Variants in IER3IP1 observed in about 807,000 individuals in gnomAD.
IER3IP1 encodes the protein immediate early response 3 interacting protein 1, also known as immediate early response 3-interacting protein 1.
In IER3IP1, 16 loss-of-function variants were observed where a neutral mutation model predicts 12.2. The ratio of observed to expected loss-of-function variants is 1.31; its 90% CI spans 0.89 to 1.99. IER3IP1 has a LOEUF of 1.99. Among genes scored for constraint, IER3IP1 ranks in the 30% most tolerant of loss-of-function variants. IER3IP1 has a pLI of 0.00. For synonymous variants in IER3IP1, 42 were observed against 40.0 expected, an observed-to-expected ratio of 1.05 and a Z score of -0.19; for missense variants, 95 against 95.8, an observed-to-expected ratio of 0.99 and a Z score of 0.03.
chr18:47,157,819 G>A lies in IER3IP1; in HGVS notation c.92-282C>T, dbSNP rs112483860. Among the ~76,000 whole-genome samples, 964 of 152,016 alleles carry A rather than the reference G, an allele frequency of 6.3e-3. 12 individuals are homozygous for A. Among genetic ancestry groups the A allele is most frequent in the African/African-American group, 0.022 (932 of 41,466 alleles). The stretch of plus-strand genomic sequence containing the variant: ...TTTAGTGAAGATGATCTTTGTAACT[G>A]TTTTTTTCTCCTTTTTTTAAAATAT... On this transcript the variant is annotated intron_variant, in intron 1 of 2. Transcript: ENST00000256433.
chr18:47,157,354 A>G (rs2063964513), intron 2 of IER3IP1, 82 bp downstream of exon 2: 5 of 1,125,498 alleles, frequency 4.4e-6, no homozygotes, highest in South Asian at 1.2e-5. Flanking sequence ...CAAATGGCAT[A>G]TATGGTATTC....
In IER3IP1 at chr18:47,169,500, GGCTGAACCATT is replaced by G. The variant is rs1311361963; in HGVS notation, c.91+6676_91+6686del. Among the ~76,000 whole-genome samples the G allele has an allele frequency of 5.3e-5, 8 of 152,202 alleles. No individual in the cohort carries two copies. In the East Asian group the frequency reaches 1.5e-3, roughly 29 times the overall value. ...GAACAGCCAGACTGTTTTCCGAAGT[GGCTGAACCATT>G]TTACATTCTCTTTAACAATATACGA... On this transcript the variant is annotated intron_variant, in intron 1 of 2. Coordinates refer to ENST00000256433, the MANE Select transcript of IER3IP1 (RefSeq NM_016097.5).
At position 47,157,533 on chromosome 18, in the gene IER3IP1, G is replaced by A. The variant is rs747918737; in HGVS notation, c.96C>T (p.Gly32=). The A allele has an allele frequency of 1.9e-6, 3 of 1,613,536 alleles. No individual in the cohort carries two copies. In the Admixed American group the frequency reaches 5.0e-5, roughly 27 times the overall value. The change falls in exon 2 of 3, where the codon GGC becomes GGT. Residue 32 remains glycine, a synonymous_variant. Coordinates refer to ENST00000256433, the MANE Select transcript of IER3IP1 (RefSeq NM_016097.5). ...CACCAATTCCCTGGTCTGTTCCCCA[G>A]CCAACTGTATAATGTAAAGATTAGC... is the stretch of plus-strand genomic sequence containing the variant. The part of the protein sequence containing the change: ...LHEERFLKNI[G]WGTDQGIGGF...
chr18:47,168,198 G>A (rs1411303588), intron 1 of IER3IP1, among the ~76,000 whole-genome samples: 23 of 146,334 alleles, frequency 1.6e-4, no homozygotes, highest in Admixed American at 5.5e-4. Context: ...CCAGCTATTC[G>A]GCAGGCTGAG....
rs1258013670 is a variant in IER3IP1, at chr18:47,155,670, AAAAT to A, written c.*503_*506del. ...TGAATTTATAGCTGAGACAATAGAC[AAAAT>A]AATTAACCAAGGAGCTTAAAATAAA... On this transcript the variant is annotated 3_prime_UTR_variant, in exon 3 of 3. Coordinates refer to ENST00000256433, the MANE Select transcript of IER3IP1 (RefSeq NM_016097.5). The A allele has an allele frequency of 6.6e-6, 1 of 152,518 alleles. No homozygotes were observed. The highest frequency in any genetic ancestry group is 1.5e-5 in the Non-Finnish European group (1 of 68,272). The allele number at this position is 152,518 out of a possible 1,614,324, so 9.4% of individuals were successfully genotyped here.
intron 1 of IER3IP1, among the ~76,000 whole-genome samples, chr18:47,161,715 G>C (rs530526528): frequency 6.6e-6 from 1 of 152,068 alleles, no homozygotes; most frequent in East Asian, 1.9e-4. Context: ...TTGGGGGGTG[G>C]TGGTGGTTTC....
At chr18:47,164,615 T>C (rs985267608) in intron 1 of IER3IP1, among the ~76,000 whole-genome samples, 1 of 151,832 alleles carries the variant, frequency 6.6e-6, no homozygotes, top group African/African-American at 2.4e-5. Flanking sequence ...GAGACCAGCC[T>C]GACAAAAAGT....
chr18:47,175,120 T>C (rs545038100), intron 1 of IER3IP1, among the ~76,000 whole-genome samples: 1 of 152,352 alleles, frequency 6.6e-6, no homozygotes, highest in East Asian at 1.9e-4. Flanking sequence ...AAATATCTTC[T>C]GAAGTAAATG....
intron 1 of IER3IP1, 95 bp from the exon 2 acceptor site, chr18:47,157,632 G>A: frequency 2.9e-6 from 3 of 1,051,076 alleles, no homozygotes; most frequent in Non-Finnish European, 4.5e-6. Context: ...CCTTGTTAAA[G>A]ACAAAGTAGA....
intron 1 of IER3IP1, among the ~76,000 whole-genome samples, chr18:47,161,752 T>C (rs187208167): frequency 1.3e-5 from 2 of 152,138 alleles, no homozygotes; most frequent in East Asian, 3.9e-4. Flanking sequence ...ATTACATTTA[T>C]TGTGTACTTT....
intron 1 of IER3IP1, among the ~76,000 whole-genome samples, chr18:47,170,132 CT>C (rs1390857725): frequency 1.3e-5 from 2 of 151,918 alleles, no homozygotes; most frequent in Non-Finnish European, 2.9e-5. Context: ...TCCAATTTTA[CT>C]TTTTTTTATA....
intron 1 of IER3IP1, among the ~76,000 whole-genome samples, chr18:47,161,715 G>A (rs530526528): frequency 3.2e-4 from 49 of 152,068 alleles, no homozygotes; most frequent in Non-Finnish European, 6.0e-4. Context: ...TTGGGGGGTG[G>A]TGGTGGTTTC....
chr18:47,171,388 G>A lies in IER3IP1; in HGVS notation c.91+4799C>T, dbSNP rs573844025. Among the ~76,000 whole-genome samples, 6 of 152,258 alleles carry A rather than the reference G, an allele frequency of 3.9e-5. 1 individual carries two copies. Among genetic ancestry groups the A allele is most frequent in the African/African-American group, 1.4e-4 (6 of 41,560 alleles). Reference sequence around the variant, plus strand: ...ATATTAGGTTAATACTGACATCATGGCATGAATTGAAAAGTGTCCTATCCC... The same window carrying A: ...ATATTAGGTTAATACTGACATCATGACATGAATTGAAAAGTGTCCTATCCC... On this transcript the variant is annotated intron_variant, in intron 1 of 2. Transcript: ENST00000256433.
chr18:47,175,874 CAAAAA>C (rs202053921), intron 1 of IER3IP1, among the ~76,000 whole-genome samples: 1 of 147,664 alleles, frequency 6.8e-6, no homozygotes, highest in African/African-American at 2.5e-5. Flanking sequence ...GACTCCCCCT[CAAAAA>C]AAAAAGTAGT....
At chr18:47,166,021 C>CA (rs760276597) in intron 1 of IER3IP1, among the ~76,000 whole-genome samples, 4 of 152,190 alleles carry the variant, frequency 2.6e-5, no homozygotes. Context: ...AAATACTTGT[C>CA]AAACTGGTAC....
chr18:47,156,086 G>T lies in IER3IP1; in HGVS notation c.*91C>A. On this transcript the variant is annotated 3_prime_UTR_variant, in exon 3 of 3. Coordinates refer to ENST00000256433, the MANE Select transcript of IER3IP1 (RefSeq NM_016097.5). ...TACATTTTTGACAAGTGCAAGGTCA[G>T]CCAGCTAAGATATAAATATTCCAAT... 1 of 837,902 alleles carries T rather than the reference G, an allele frequency of 1.2e-6. No individual in the cohort carries two copies. Among genetic ancestry groups the T allele is most frequent in the Non-Finnish European group, 2.0e-6 (1 of 490,912 alleles). The allele number at this position is 837,902 out of a possible 1,614,324, so 51.9% of individuals were successfully genotyped here.
At chr18:47,156,341 C>A in intron 2 of IER3IP1, 109 bp from the exon 3 acceptor site, 1 of 689,850 alleles carries the variant, frequency 1.4e-6, no homozygotes, top group East Asian at 2.5e-5. Context: ...AATATGTCAT[C>A]ATAATCATGT....
At chr18:47,159,582 C>G (rs1007486596) in intron 1 of IER3IP1, among the ~76,000 whole-genome samples, 1 of 151,898 alleles carries the variant, frequency 6.6e-6, no homozygotes, top group Non-Finnish European at 1.5e-5. Flanking sequence ...TGTAAAAAAT[C>G]ATGCTGACAA....
At chr18:47,157,412 T>C in intron 2 of IER3IP1, 24 bp downstream of exon 2, 4 of 1,580,592 alleles carry the variant, frequency 2.5e-6, no homozygotes, top group Non-Finnish European at 3.5e-6. Flanking sequence ...AACTTAAGAA[T>C]GCTCTATTAG....
Sources: allele counts gnomAD v4.1 joint callset (sites outside exome capture counted in the v4.1 genomes callset), GRCh38; gene constraint gnomAD v4.1.1; transcripts MANE v1.5; gene names NCBI Gene and HGNC (gene_info 2026-07-23, HGNC 2026-07-21).